The following PLPPR1 variants were observed in gnomAD, a reference collection of about 807,000 sequenced individuals.
The protein encoded by PLPPR1 is phospholipid phosphatase related 1, also known as phospholipid phosphatase-related protein type 1.
In PLPPR1, 10 loss-of-function variants were observed where a neutral mutation model predicts 33.1. That is an observed-to-expected ratio of 0.30 (90% CI 0.19 to 0.51). PLPPR1 has a LOEUF of 0.51. Among genes scored for constraint, PLPPR1 ranks in the 20% least tolerant of loss-of-function variants. The probability of loss-of-function intolerance (pLI) is 0.97; values close to 1 mark genes in which losing one functional copy is unlikely to be tolerated. For synonymous variants in PLPPR1, 151 were observed against 151.0 expected (o/e 1.00, Z 0.00); for missense variants, 304 against 408.1 (o/e 0.74, Z 2.20).
At chr9:101,273,603 T>A (rs1414039859) in intron 3 of PLPPR1, among the ~76,000 whole-genome samples, 1 of 152,226 alleles carries the variant, frequency 6.6e-6, no homozygotes, top group Non-Finnish European at 1.5e-5. Context: ...TCTGAATATT[T>A]AACATATCCT....
At chr9:101,075,975 T>G (rs1486256145) in intron 1 of PLPPR1, among the ~76,000 whole-genome samples, 1 of 151,910 alleles carries the variant, frequency 6.6e-6, no homozygotes, top group Non-Finnish European at 1.5e-5. Flanking sequence ...GTGTTGAGGG[T>G]CAGAAAGAAG....
At chr9:101,172,278 A>G (rs1825953803) in intron 1 of PLPPR1, among the ~76,000 whole-genome samples, 2 of 151,998 alleles carry the variant, frequency 1.3e-5, no homozygotes, top group South Asian at 4.1e-4. Flanking sequence ...TGGCTATAAC[A>G]TGTTAAGATG....
Position 101,028,774 on chromosome 9 carries a change from C to G in PLPPR1, c.-374C>G, listed in dbSNP as rs1417011457. 6.6e-6 allele frequency: 1 copy of G among 152,290 alleles called. No homozygotes were observed. Among genetic ancestry groups the G allele is most frequent in the African/African-American group, 2.4e-5 (1 of 41,452 alleles). 9.4% of individuals were successfully genotyped at this position (152,290 alleles called of 1,614,324 possible). ...TTAAACAAACAGGAGATCCTGAAAC[C>G]TGGACCCTGTGCAAGCTGCAGCGCC... On this transcript the variant is annotated 5_prime_UTR_variant, in exon 1 of 8. Transcript: ENST00000374874.
At chr9:101,314,492 A>G (rs1309048588) in intron 6 of PLPPR1, among the ~76,000 whole-genome samples, 1 of 152,316 alleles carries the variant, frequency 6.6e-6, no homozygotes, top group South Asian at 2.1e-4. Context: ...CCATTGCAAC[A>G]GTGAATATCA....
intron 4 of PLPPR1, among the ~76,000 whole-genome samples, chr9:101,298,301 C>A (rs78134083): frequency 0.049 from 7,416 of 152,174 alleles, 555 homozygotes; most frequent in African/African-American, 0.16. Context: ...AAGTCTTCTG[C>A]CATTTAGGTC....
intron 5 of PLPPR1, among the ~76,000 whole-genome samples, chr9:101,312,349 A>G (rs962365091): frequency 7.2e-5 from 11 of 152,310 alleles, no homozygotes; most frequent in African/African-American, 2.6e-4. Flanking sequence ...GGACACAAAA[A>G]ATAAAATGTA....
chr9:101,296,787 G>A (rs1828651160), intron 4 of PLPPR1, among the ~76,000 whole-genome samples: 1 of 151,548 alleles, frequency 6.6e-6, no homozygotes, highest in African/African-American at 2.4e-5. Flanking sequence ...CACACTCTGG[G>A]GACTGTTGTG....
chr9:101,136,587 T>C (rs1588042875), intron 1 of PLPPR1, among the ~76,000 whole-genome samples: 1 of 152,246 alleles, frequency 6.6e-6, no homozygotes, highest in Non-Finnish European at 1.5e-5. Flanking sequence ...TTCTGTTCAA[T>C]TTTTGGTCAA....
intron 3 of PLPPR1, among the ~76,000 whole-genome samples, chr9:101,283,055 T>C (rs992577133): frequency 1.3e-5 from 2 of 152,194 alleles, no homozygotes; most frequent in Non-Finnish European, 2.9e-5. Context: ...CAGGCTAGTC[T>C]TGAACTCCTG....
chr9:101,052,477 T>C (rs1830233345), intron 1 of PLPPR1, among the ~76,000 whole-genome samples: 1 of 152,156 alleles, frequency 6.6e-6, no homozygotes, highest in African/African-American at 2.4e-5. Context: ...TTATAATCAA[T>C]AGTGGAATGG....
intron 1 of PLPPR1, among the ~76,000 whole-genome samples, chr9:101,099,030 T>A (rs1830858566): frequency 6.6e-6 from 1 of 151,636 alleles, no homozygotes; most frequent in East Asian, 1.9e-4. Flanking sequence ...GTTCTTTGAC[T>A]CTCGGAAAGT....
chr9:101,310,351 C>T (rs1259285552), intron 5 of PLPPR1, among the ~76,000 whole-genome samples: 1 of 152,136 alleles, frequency 6.6e-6, no homozygotes, highest in African/African-American at 2.4e-5. Context: ...CAAAACACCC[C>T]CTTTCCTTAC....
chr9:101,055,842 G>T (rs1408729437), intron 1 of PLPPR1, among the ~76,000 whole-genome samples: 1 of 152,180 alleles, frequency 6.6e-6, no homozygotes, highest in Non-Finnish European at 1.5e-5. Flanking sequence ...GGATTCTCTT[G>T]CTAGTAGACA....
chr9:101,281,008 A>G (rs1006810118), intron 3 of PLPPR1, among the ~76,000 whole-genome samples: 3 of 152,270 alleles, frequency 2.0e-5, no homozygotes, highest in African/African-American at 7.2e-5. Context: ...ATGATCTTAT[A>G]TTTGGAAAAA....
chr9:101,240,132 C>A (rs187057761), intron 2 of PLPPR1, among the ~76,000 whole-genome samples: 1 of 151,990 alleles, frequency 6.6e-6, no homozygotes, highest in South Asian at 2.1e-4. Context: ...TTTTTTTCTG[C>A]ATCACTTATT....
chr9:101,270,296 G>T (rs1030950677), intron 3 of PLPPR1, among the ~76,000 whole-genome samples: 6 of 151,330 alleles, frequency 4.0e-5, no homozygotes, highest in African/African-American at 1.5e-4. Context: ...TTAAAAAGAT[G>T]TTTTTTTTTA....
chr9:101,154,362 C>T (rs991580782), intron 1 of PLPPR1, among the ~76,000 whole-genome samples: 2 of 152,054 alleles, frequency 1.3e-5, no homozygotes, highest in African/African-American at 4.8e-5. Context: ...GGTTGGTAGA[C>T]TATTAATTAT....
At chr9:101,303,477 T>C (rs1459588673) in intron 4 of PLPPR1, among the ~76,000 whole-genome samples, 1 of 152,140 alleles carries the variant, frequency 6.6e-6, no homozygotes, top group Non-Finnish European at 1.5e-5. Context: ...AATTTTACAT[T>C]TTTAGTAGAG....
intron 2 of PLPPR1, among the ~76,000 whole-genome samples, chr9:101,224,855 C>T (rs1827029523): frequency 6.6e-6 from 1 of 152,058 alleles, no homozygotes; most frequent in African/African-American, 2.4e-5. Context: ...CATGGGATGG[C>T]GTCCTGTCCA....
Sources: allele counts gnomAD v4.1 joint callset (sites outside exome capture counted in the v4.1 genomes callset), GRCh38; gene constraint gnomAD v4.1.1; transcripts MANE v1.5; gene names NCBI Gene and HGNC (gene_info 2026-07-23, HGNC 2026-07-21).